The following GRIP1 variants were observed in gnomAD, a reference collection of about 807,000 sequenced individuals.
GRIP1 encodes glutamate receptor interacting protein 1.
In GRIP1, 45 loss-of-function variants were observed where a neutral mutation model predicts 129.9. The observed-to-expected ratio is 0.35, with a 90% CI of 0.27 to 0.44. The LOEUF (loss-of-function observed/expected upper bound fraction) is 0.44, where lower values mean the gene tolerates loss of function less well. Ranked by LOEUF, GRIP1 falls within the 20% of genes least tolerant of loss-of-function variation. The pLI, the probability that GRIP1 is intolerant of heterozygous loss-of-function variation, is 1.00. For synonymous variants in GRIP1, 530 were observed against 520.8 expected (o/e 1.02, Z -0.24); for missense variants, 1,196 against 1,396.8 (o/e 0.86, Z 2.29).
chr12:66,529,721 A>T (rs1055934491), intron 5 of GRIP1, 110 bp downstream of exon 5: 1 of 754,750 alleles, frequency 1.3e-6, no homozygotes, highest in African/African-American at 1.7e-5. Context: ...AAATCTCACA[A>T]ATCACCACTA....
Position 67,038,599 on chromosome 12 carries a change from A to T in GRIP1, c.58+30451T>A, listed in dbSNP as rs111354818. On this transcript the variant is annotated intron_variant, in intron 1 of 1. Coordinates refer to the GRIP1 transcript ENST00000643019. The stretch of plus-strand genomic sequence containing the variant: ...CTCTCAGAGCCCCTTTTAAAAACTA[A>T]TGATGTTTACATTTGTATAAGCTTA... Among the ~76,000 whole-genome samples, 633 of 152,306 alleles carry T rather than the reference A, an allele frequency of 4.2e-3. 6 individuals are homozygous for T. The highest frequency in any genetic ancestry group is 0.015 in the African/African-American group (609 of 41,564).
chr12:66,617,286 GAAAAAAAAAAAA>G (rs63275262), intron 1 of GRIP1, among the ~76,000 whole-genome samples: 1 of 104,052 alleles, frequency 9.6e-6, no homozygotes, highest in Non-Finnish European at 2.0e-5. Flanking sequence ...CAGCCAACAA[GAAAAAAAAAAAA>G]AAAAAAAAAG....
At chr12:66,446,006 C>T (rs2058613705) in intron 11 of GRIP1, among the ~76,000 whole-genome samples, 1 of 152,146 alleles carries the variant, frequency 6.6e-6, no homozygotes, top group African/African-American at 2.4e-5. Context: ...AATCTGGCCC[C>T]TGGCGTGGTG....
chr12:66,818,424 A>C (rs1481693304), intron 1 of GRIP1, among the ~76,000 whole-genome samples: 1 of 152,186 alleles, frequency 6.6e-6, no homozygotes, highest in Admixed American at 6.5e-5. Flanking sequence ...TAACAAATGA[A>C]TTCATCTTGT....
intron 19 of GRIP1, among the ~76,000 whole-genome samples, chr12:66,389,255 G>A (rs191281650): frequency 4.6e-5 from 7 of 152,270 alleles, no homozygotes; most frequent in African/African-American, 1.7e-4. Flanking sequence ...TTGAGACGTA[G>A]TCTTGTTCTA....
At chr12:66,955,814 C>T (rs1022736342) in intron 1 of GRIP1, among the ~76,000 whole-genome samples, 2 of 152,110 alleles carry the variant, frequency 1.3e-5, no homozygotes, top group Admixed American at 6.5e-5. Context: ...GCCTATACTA[C>T]ATTATTTAAC....
At chr12:66,666,597 T>C (rs2033809580) in intron 1 of GRIP1, among the ~76,000 whole-genome samples, 1 of 152,146 alleles carries the variant, frequency 6.6e-6, no homozygotes, top group South Asian at 2.1e-4. Flanking sequence ...CTGGTTCTCA[T>C]TTGGATTGAC....
intron 1 of GRIP1, among the ~76,000 whole-genome samples, chr12:66,914,344 A>G (rs2041083652): frequency 6.6e-6 from 1 of 152,228 alleles, no homozygotes; most frequent in Non-Finnish European, 1.5e-5. Context: ...GGGCATTTAC[A>G]TCTTTTATTC....
intron 1 of GRIP1, among the ~76,000 whole-genome samples, chr12:66,661,751 T>G (rs1414128904): frequency 6.6e-6 from 1 of 152,140 alleles, no homozygotes; most frequent in African/African-American, 2.4e-5. Context: ...ATTACTGTAG[T>G]ATCATCTCAA....
intron 1 of GRIP1, among the ~76,000 whole-genome samples, chr12:66,641,958 A>T (rs906555010): frequency 1.3e-5 from 2 of 152,214 alleles, no homozygotes; most frequent in Non-Finnish European, 2.9e-5. Context: ...AATAAAGATC[A>T]TAGTGTTGTA....
At chr12:66,507,689 T>C (rs1271843439) in intron 7 of GRIP1, among the ~76,000 whole-genome samples, 3 of 152,208 alleles carry the variant, frequency 2.0e-5, no homozygotes, top group Non-Finnish European at 4.4e-5. Flanking sequence ...TGCTCAAGAT[T>C]AAAGGCGTAT....
chr12:66,823,150 G>A (rs551383156), intron 1 of GRIP1, among the ~76,000 whole-genome samples: 1 of 150,020 alleles, frequency 6.7e-6, no homozygotes, highest in South Asian at 2.1e-4. Flanking sequence ...TATAAAATGA[G>A]GGGATTGCAC....
intron 2 of GRIP1, among the ~76,000 whole-genome samples, chr12:66,564,430 T>A (rs796987559): frequency 6.6e-6 from 1 of 152,048 alleles, no homozygotes; most frequent in South Asian, 2.1e-4. Context: ...TCCAGCTTCA[T>A]CCATGTCCCT....
intron 1 of GRIP1, among the ~76,000 whole-genome samples, chr12:66,875,080 T>C (rs549006100): frequency 2.6e-5 from 4 of 152,198 alleles, no homozygotes; most frequent in Non-Finnish European, 5.9e-5. Context: ...TCATACAATG[T>C]AGGCATTTAA....
intron 2 of GRIP1, among the ~76,000 whole-genome samples, chr12:66,545,243 T>C (rs1209250622): frequency 6.6e-6 from 1 of 152,200 alleles, no homozygotes; most frequent in African/African-American, 2.4e-5. Flanking sequence ...ATCCCACTGA[T>C]GAAATGAAAT....
intron 16 of GRIP1, among the ~76,000 whole-genome samples, chr12:66,403,728 C>G (rs2057090069): frequency 6.6e-6 from 1 of 152,034 alleles, no homozygotes. Flanking sequence ...ATTTAATAAG[C>G]ACAATAACCA....
chr12:66,542,255 T>C (rs1362037545), intron 2 of GRIP1, among the ~76,000 whole-genome samples: 1 of 152,220 alleles, frequency 6.6e-6, no homozygotes, highest in East Asian at 1.9e-4. Context: ...TGACATTCTC[T>C]GGTTTCTCTC....
At chr12:66,814,361 G>A (rs1279877413) in intron 1 of GRIP1, among the ~76,000 whole-genome samples, 4 of 151,968 alleles carry the variant, frequency 2.6e-5, no homozygotes, top group Non-Finnish European at 4.4e-5. Context: ...GATAATAAGG[G>A]TTAATTTACT....
intron 1 of GRIP1, among the ~76,000 whole-genome samples, chr12:66,884,265 C>A (rs377298158): frequency 6.6e-6 from 1 of 152,316 alleles, no homozygotes; most frequent in African/African-American, 2.4e-5. Flanking sequence ...CCGCACTTCC[C>A]GCTGCTGTGT....
Sources: gnomAD v4.1 joint callset for allele counts (sites outside exome capture counted in the v4.1 genomes callset) on GRCh38, gnomAD v4.1.1 for gene constraint, MANE v1.5 for transcripts, NCBI Gene and HGNC (gene_info 2026-07-23, HGNC 2026-07-21) for gene names.